The following SNX13 variants were observed in gnomAD, a reference collection of about 807,000 sequenced individuals.
SNX13 encodes the protein sorting nexin-13.
In SNX13, 45 loss-of-function variants were observed where a neutral mutation model predicts 133.6. That is an observed-to-expected ratio of 0.34 (90% confidence interval 0.27 to 0.43). The LOEUF (loss-of-function observed/expected upper bound fraction) is 0.43, where lower values mean the gene tolerates loss of function less well. Among genes scored for constraint, SNX13 ranks in the 20% least tolerant of loss-of-function variants. The probability of loss-of-function intolerance (pLI) is 1.00; values close to 1 mark genes in which losing one functional copy is unlikely to be tolerated. For synonymous variants in SNX13, 414 were observed against 373.9 expected (o/e 1.11, Z -1.24); for missense variants, 1,032 against 1,145.1 (o/e 0.90, Z 1.43).
chr7:17,838,454 T>C (rs1445114871), intron 13 of SNX13, among the ~76,000 whole-genome samples: 2 of 151,950 alleles, frequency 1.3e-5, no homozygotes, highest in Admixed American at 6.6e-5. Context: ...ATTTTCACTA[T>C]GGTTTTTCTG....
intron 1 of SNX13, among the ~76,000 whole-genome samples, chr7:17,924,001 C>T (rs999847200): frequency 1.3e-5 from 2 of 152,194 alleles, no homozygotes; most frequent in Non-Finnish European, 2.9e-5. Flanking sequence ...AATGGTTTAA[C>T]TTCAGCTCTT....
At chr7:17,925,057 A>G (rs180789777) in intron 1 of SNX13, among the ~76,000 whole-genome samples, 233 of 152,208 alleles carry the variant, frequency 1.5e-3, no homozygotes, top group African/African-American at 5.2e-3. Context: ...AAAAATACAA[A>G]AATTAGCTGG....
At chr7:17,812,518 G>C (rs2128295942) in intron 20 of SNX13, among the ~76,000 whole-genome samples, 2 of 152,294 alleles carry the variant, frequency 1.3e-5, no homozygotes, top group African/African-American at 4.8e-5. Flanking sequence ...AGGATGTGGA[G>C]ATACAGGAAT....
intron 11 of SNX13, among the ~76,000 whole-genome samples, chr7:17,846,527 T>C (rs1230609238): frequency 6.6e-6 from 1 of 152,190 alleles, no homozygotes; most frequent in Non-Finnish European, 1.5e-5. Context: ...GGCTTCTCTA[T>C]ATTCCCAAAT....
intron 8 of SNX13, among the ~76,000 whole-genome samples, chr7:17,871,222 G>A (rs1007615615): frequency 1.3e-5 from 2 of 152,090 alleles, no homozygotes; most frequent in Non-Finnish European, 2.9e-5. Context: ...AGCCAGGATG[G>A]TCTCGATCTC....
intron 9 of SNX13, among the ~76,000 whole-genome samples, chr7:17,862,856 A>G (rs761255845): frequency 6.6e-6 from 1 of 152,168 alleles, no homozygotes; most frequent in Non-Finnish European, 1.5e-5. Context: ...ATAACCGTCC[A>G]TGCACCTTCA....
chr7:17,794,766 G>A (rs895716058), intron 25 of SNX13: 1 of 151,604 alleles, frequency 6.6e-6, no homozygotes, highest in Non-Finnish European at 1.5e-5. Context: ...GACAAATGCT[G>A]TAAGGAAACA....
intron 2 of SNX13, among the ~76,000 whole-genome samples, chr7:17,896,005 C>T (rs866566011): frequency 6.6e-6 from 1 of 152,098 alleles, no homozygotes; most frequent in Non-Finnish European, 1.5e-5. Context: ...AAAAAAATGT[C>T]AAGACAATTT....
At chr7:17,832,541 T>C in intron 15 of SNX13, 1 of 937,288 alleles carries the variant, frequency 1.1e-6, no homozygotes, top group African/African-American at 1.8e-5. Context: ...ACAAAAACTT[T>C]TATAATAGTC....
At chr7:17,886,541 G>A (rs1179944698) in intron 5 of SNX13, among the ~76,000 whole-genome samples, 15 of 151,598 alleles carry the variant, frequency 9.9e-5, no homozygotes, top group Admixed American at 1.3e-4. Flanking sequence ...GCTCTCCACC[G>A]ATCATGCCAC....
At chr7:17,912,995 A>G (rs2714868) in intron 1 of SNX13, among the ~76,000 whole-genome samples, 66,738 of 151,686 alleles carry the variant, frequency 0.44, 15,038 homozygotes, top group South Asian at 0.66. Flanking sequence ...ACAGCTCTGC[A>G]ACCTAAAACT....
intron 13 of SNX13, among the ~76,000 whole-genome samples, chr7:17,839,289 G>A (rs1029358424): frequency 6.6e-5 from 10 of 150,664 alleles, no homozygotes; most frequent in African/African-American, 2.4e-4. Flanking sequence ...TGTTCCTAAA[G>A]TCTTGTATAT....
intron 1 of SNX13, among the ~76,000 whole-genome samples, chr7:17,921,525 G>C (rs1032599984): frequency 1.3e-5 from 2 of 152,074 alleles, no homozygotes; most frequent in African/African-American, 2.4e-5. Context: ...CTCAAACAAA[G>C]GCTGCTTATT....
chr7:17,797,821 T>C (rs2128283607), intron 24 of SNX13, among the ~76,000 whole-genome samples: 1 of 151,964 alleles, frequency 6.6e-6, no homozygotes, highest in Non-Finnish European at 1.5e-5. Flanking sequence ...GGAAACAGTA[T>C]GGTACAGTGG....
intron 4 of SNX13, among the ~76,000 whole-genome samples, 175 bp downstream of exon 4, chr7:17,891,370 AC>A (rs1796608006): frequency 6.6e-6 from 1 of 152,088 alleles, no homozygotes; most frequent in African/African-American, 2.4e-5. Context: ...AAAGTAAACC[AC>A]CTCATTAGAA....
chr7:17,827,438 G>T (rs1788035602), intron 16 of SNX13, among the ~76,000 whole-genome samples: 1 of 151,922 alleles, frequency 6.6e-6, no homozygotes. Context: ...TCATCTAAAT[G>T]ACTTAAAAGC....
At chr7:17,835,668 C>T (rs1377921275) in intron 13 of SNX13, among the ~76,000 whole-genome samples, 1 of 151,178 alleles carries the variant, frequency 6.6e-6, no homozygotes, top group African/African-American at 2.4e-5. Context: ...CTAACAAAAA[C>T]AAAAAGCATT....
At chr7:17,852,203 G>A (rs896882118) in intron 9 of SNX13, among the ~76,000 whole-genome samples, 1 of 152,028 alleles carries the variant, frequency 6.6e-6, no homozygotes, top group Non-Finnish European at 1.5e-5. Flanking sequence ...GTGAAACCCC[G>A]TCTCTACTAA....
At chr7:17,911,103 T>G (rs1176839227) in intron 1 of SNX13, among the ~76,000 whole-genome samples, 1 of 152,182 alleles carries the variant, frequency 6.6e-6, no homozygotes, top group African/African-American at 2.4e-5. Context: ...GGCCTGTTGT[T>G]AGAAGACACA....
Sources: gnomAD v4.1 joint callset for allele counts (sites outside exome capture counted in the v4.1 genomes callset) on GRCh38, gnomAD v4.1.1 for gene constraint, MANE v1.5 for transcripts, NCBI Gene and HGNC (gene_info 2026-07-23, HGNC 2026-07-21) for gene names.